The following MAGI2 variants were observed in gnomAD, a reference collection of about 807,000 sequenced individuals.
MAGI2 encodes membrane-associated guanylate kinase, WW and PDZ domain-containing protein 2.
In MAGI2, 35 loss-of-function variants were observed where a neutral mutation model predicts 133.3. That is an observed-to-expected ratio of 0.26 (90% CI 0.20 to 0.35). MAGI2 has a LOEUF of 0.35. MAGI2 is among the 10% of genes least tolerant of loss of function. MAGI2 has a pLI of 1.00. For synonymous variants in MAGI2, 729 were observed against 710.6 expected (o/e 1.03, Z -0.41); for missense variants, 1,636 against 1,863.4 (o/e 0.88, Z 2.25).
At chr7:79,299,321 G>A (rs1318680905) in intron 1 of MAGI2, among the ~76,000 whole-genome samples, 1 of 152,034 alleles carries the variant, frequency 6.6e-6, no homozygotes, top group East Asian at 1.9e-4. Context: ...GAAATGGATA[G>A]GCAGGGGGTG....
At chr7:78,115,821 A>AT (rs775317957) in intron 20 of MAGI2, among the ~76,000 whole-genome samples, 27 of 152,202 alleles carry the variant, frequency 1.8e-4, no homozygotes, top group Non-Finnish European at 3.4e-4. Flanking sequence ...CCCCATTTCC[A>AT]TCAAAAAAAG....
At chr7:79,185,310 A>G (rs1323294203) in intron 1 of MAGI2, among the ~76,000 whole-genome samples, 1 of 151,868 alleles carries the variant, frequency 6.6e-6, no homozygotes, top group East Asian at 1.9e-4. Context: ...GGCCCATAAC[A>G]ATAACAAAGA....
chr7:78,025,419 C>T (rs1395931741), intron 21 of MAGI2, among the ~76,000 whole-genome samples: 6 of 152,184 alleles, frequency 3.9e-5, no homozygotes, highest in African/African-American at 1.4e-4. Flanking sequence ...CAAATGCTAG[C>T]TGTAAGCTTC....
chr7:78,428,081 G>A (rs146770922), intron 6 of MAGI2, among the ~76,000 whole-genome samples: 5 of 152,278 alleles, frequency 3.3e-5, no homozygotes, highest in African/African-American at 7.2e-5. Context: ...AGAGTCTTCT[G>A]TAATTATATT....
chr7:79,174,764 T>A (rs934703210), intron 1 of MAGI2, among the ~76,000 whole-genome samples: 3 of 151,792 alleles, frequency 2.0e-5, no homozygotes, highest in African/African-American at 7.3e-5. Context: ...AAAAAATATA[T>A]AACTGAATAC....
intron 21 of MAGI2, among the ~76,000 whole-genome samples, chr7:78,028,883 A>G (rs1809258052): frequency 6.7e-6 from 1 of 150,162 alleles, no homozygotes; most frequent in Non-Finnish European, 1.5e-5. Context: ...CTATGTTGCT[A>G]TTATCCCCAT....
intron 1 of MAGI2, among the ~76,000 whole-genome samples, chr7:79,234,025 A>G (rs1303564375): frequency 7.1e-6 from 1 of 141,810 alleles, no homozygotes; most frequent in Non-Finnish European, 1.5e-5. Context: ...GCTTGTCTGT[A>G]AAGTATTTTA....
chr7:78,532,808 A>G (rs1042642626), intron 3 of MAGI2, among the ~76,000 whole-genome samples: 2 of 152,240 alleles, frequency 1.3e-5, no homozygotes, highest in African/African-American at 2.4e-5. Context: ...CTTTGACTGC[A>G]TGATGCTAGC....
At chr7:79,072,369 G>A (rs1815066539) in intron 1 of MAGI2, among the ~76,000 whole-genome samples, 1 of 152,158 alleles carries the variant, frequency 6.6e-6, no homozygotes, top group Non-Finnish European at 1.5e-5. Flanking sequence ...ATCAGATTTA[G>A]TACCTTCTTT....
chr7:78,399,289 C>T (rs1796633680), intron 6 of MAGI2, among the ~76,000 whole-genome samples: 2 of 152,172 alleles, frequency 1.3e-5, no homozygotes, highest in South Asian at 2.1e-4. Flanking sequence ...ATACTAAGAT[C>T]TTTTCAACCT....
At chr7:78,355,383 C>T (rs1346803862) in intron 7 of MAGI2, among the ~76,000 whole-genome samples, 1 of 152,132 alleles carries the variant, frequency 6.6e-6, no homozygotes, top group Non-Finnish European at 1.5e-5. Context: ...CTGAAAGAAA[C>T]AGTTGCATGA....
intron 2 of MAGI2, among the ~76,000 whole-genome samples, chr7:78,674,233 A>AT (rs35089095): frequency 0.015 from 2,232 of 147,788 alleles, 21 homozygotes; most frequent in Non-Finnish European, 0.017. Flanking sequence ...ATAGCAAAGC[A>AT]TTTTTTTTTT....
intron 1 of MAGI2, among the ~76,000 whole-genome samples, chr7:79,276,963 A>AAAT (rs990900235): frequency 1.2e-4 from 18 of 151,500 alleles, no homozygotes; most frequent in East Asian, 7.8e-4. Flanking sequence ...ACTCTGTCTA[A>AAAT]AATAATAATA....
At chr7:78,948,623 C>T (rs926306771) in intron 2 of MAGI2, among the ~76,000 whole-genome samples, 23 of 152,030 alleles carry the variant, frequency 1.5e-4, no homozygotes, top group Admixed American at 7.9e-4. Flanking sequence ...CGACATTAGG[C>T]AGAAGTATTC....
intron 2 of MAGI2, among the ~76,000 whole-genome samples, chr7:78,965,422 T>C (rs1378145254): frequency 1.3e-5 from 2 of 151,956 alleles, no homozygotes; most frequent in Non-Finnish European, 2.9e-5. Flanking sequence ...TTATGTTCCC[T>C]TTGCTAGTCT....
intron 9 of MAGI2, among the ~76,000 whole-genome samples, chr7:78,342,788 A>G (rs1252734338): frequency 6.6e-6 from 1 of 152,316 alleles, no homozygotes; most frequent in East Asian, 1.9e-4. Flanking sequence ...GGAGGAGAAC[A>G]TCACACACTG....
intron 1 of MAGI2, among the ~76,000 whole-genome samples, chr7:79,363,006 A>G (rs1842458593): frequency 1.3e-5 from 2 of 151,712 alleles, no homozygotes; most frequent in African/African-American, 4.8e-5. Context: ...GAAGAAATAA[A>G]CTGTTTCTAG....
At chr7:78,299,180 A>AAAT (rs1370933616) in intron 9 of MAGI2, among the ~76,000 whole-genome samples, 2 of 152,184 alleles carry the variant, frequency 1.3e-5, no homozygotes, top group African/African-American at 4.8e-5. Flanking sequence ...GGTCAAAGTA[A>AAAT]AATAACGTAT....
intron 2 of MAGI2, among the ~76,000 whole-genome samples, chr7:78,993,939 A>G (rs1806035966): frequency 6.6e-6 from 1 of 152,092 alleles, no homozygotes. Flanking sequence ...GTCATCCCAG[A>G]TATCACTCTG....
Sources: allele counts gnomAD v4.1 joint callset (sites outside exome capture counted in the v4.1 genomes callset), GRCh38; gene constraint gnomAD v4.1.1; transcripts MANE v1.5; gene names NCBI Gene and HGNC (gene_info 2026-07-23, HGNC 2026-07-21).